The following H4C1 variants were observed in gnomAD, a reference collection of about 807,000 sequenced individuals.
The protein encoded by H4C1 is histone H4.
Under a neutral mutation model 4.4 loss-of-function variants are expected in H4C1, and 9 were observed. The ratio of observed to expected loss-of-function variants is 2.05; its 90% confidence interval spans 1.23 to 3.57. The LOEUF (loss-of-function observed/expected upper bound fraction) is 3.57, where lower values mean the gene tolerates loss of function less well. Among genes scored for constraint, H4C1 ranks in the 30% most tolerant of loss-of-function variants. The pLI is 0.00. For synonymous variants in H4C1, 74 were observed against 57.9 expected (o/e 1.28, Z -1.27); for missense variants, 124 against 148.8 (o/e 0.83, Z 0.87).
At position 26,022,038 on chromosome 6, in the gene H4C1, TC is replaced by T; in HGVS notation, c.*49del. On this transcript the variant is annotated 3_prime_UTR_variant, in exon 1 of 1. Coordinates refer to ENST00000617569, the MANE Select transcript of H4C1 (RefSeq NM_003538.4). Reference sequence around the variant, plus strand: ...TGCATTTCTGAACCAAAGGCCCTTTTCAGGGCCGCCCAACTAAACAAAAGAA... The same window carrying T: ...TGCATTTCTGAACCAAAGGCCCTTTTAGGGCCGCCCAACTAAACAAAAGAA... The T allele has an allele frequency of 6.6e-7, 1 of 1,504,358 alleles. No individual in the cohort carries two copies. The highest frequency in any genetic ancestry group is 8.9e-7 in the Non-Finnish European group (1 of 1,120,274). 93.2% of individuals were successfully genotyped at this position (1,504,358 alleles called of 1,614,324 possible). A position where few individuals can be genotyped will look rare whatever the true frequency, so the allele number is the denominator to read the frequency against.
At position 26,021,924 on chromosome 6, in the gene H4C1, C is replaced by T. The variant is rs1011321632; in HGVS notation, c.246C>T (p.Val82=). The change falls in exon 1 of 1, where the codon GTC becomes GTT. Residue 82 remains valine, a synonymous_variant. Coordinates refer to ENST00000617569, the MANE Select transcript of H4C1 (RefSeq NM_003538.4). ...TYTEHAKRKT[V]TAMDVVYALK... ...CGGAGCACGCCAAGCGCAAGACAGTCACTGCCATGGACGTGGTCTACGCGC... is the reference window on the plus strand; with the variant it reads ...CGGAGCACGCCAAGCGCAAGACAGTTACTGCCATGGACGTGGTCTACGCGC... The T allele has an allele frequency of 6.2e-7, 1 of 1,613,950 alleles. No individual in the cohort carries two copies. Among genetic ancestry groups the T allele is most frequent in the South Asian group, 1.1e-5 (1 of 91,066 alleles).
In H4C1 at chr6:26,021,796, CG is replaced by C. The variant is rs1761262312; in HGVS notation, c.120del (p.Arg41ValfsTer4). 1.2e-6 allele frequency: 2 copies of C among 1,614,154 alleles called. No individual in the cohort carries two copies. Among genetic ancestry groups the C allele is most frequent in the Non-Finnish European group, 1.7e-6 (2 of 1,180,062 alleles). ...CAAGCCGGCCATCCGGCGTCTGGCC[CG>C]GCGTGGCGGTGTGAAGCGGATCTCT... ...ITKPAIRRLA[R>X]RGGVKRISGL... On this transcript the variant is annotated frameshift_variant, in exon 1 of 1. Coordinates refer to ENST00000617569, the MANE Select transcript of H4C1 (RefSeq NM_003538.4). LOFTEE classifies it high-confidence loss of function.
Position 26,022,015 on chromosome 6 carries a change from C to T in H4C1, c.*25C>T, listed in dbSNP as rs759245133. The T allele has an allele frequency of 7.8e-6, 12 of 1,538,192 alleles. No homozygotes were observed. The highest frequency in any genetic ancestry group is 2.1e-5 in the Admixed American group (1 of 48,376). Reference sequence around the variant, plus strand: ...AGGTTGCTGATTTCTCCACAGCTTGCATTTCTGAACCAAAGGCCCTTTTCA... The same window carrying T: ...AGGTTGCTGATTTCTCCACAGCTTGTATTTCTGAACCAAAGGCCCTTTTCA... On this transcript the variant is annotated 3_prime_UTR_variant, in exon 1 of 1. Transcript: ENST00000617569.
rs773417351 is a variant in H4C1, at chr6:26,021,747, G to A, written c.69G>A (p.Leu23=). 10 of 1,614,124 alleles carry A rather than the reference G, an allele frequency of 6.2e-6. No individual in the cohort carries two copies. In the Admixed American group the frequency reaches 1.7e-4, roughly 27 times the overall value. Residue 23 remains leucine, a synonymous_variant, in exon 1 of 1, where the codon TTG becomes TTA. Transcript: ENST00000617569. ...KGGAKRHRKV[L]RDNIQGITKP... is the part of the protein sequence containing the mutation. ...GTGCCAAGCGCCACCGCAAGGTGTT[G>A]CGTGACAACATCCAGGGCATCACCA...
At position 26,021,692 on chromosome 6, in the gene H4C1, G is replaced by GT; in HGVS notation, c.15dup (p.Lys6Ter). The GT allele has an allele frequency of 6.2e-7, 1 of 1,604,444 alleles. No individual in the cohort carries two copies. The highest frequency in any genetic ancestry group is 8.5e-7 in the Non-Finnish European group (1 of 1,173,954). ...TCTTGGGAAGTCATGTCTGGACGTG[G>GT]TAAGGGCGGGAAGGGTTTGGGTAAG... On this transcript the variant is annotated frameshift_variant, in exon 1 of 1. Coordinates refer to ENST00000617569, the MANE Select transcript of H4C1 (RefSeq NM_003538.4). LOFTEE classifies it high-confidence loss of function.
In H4C1 at chr6:26,021,951, T is replaced by G. The variant is rs1394053632; in HGVS notation, c.273T>G (p.Leu91=). The G allele has an allele frequency of 6.2e-7, 1 of 1,610,764 alleles. No individual in the cohort carries two copies. Among genetic ancestry groups the G allele is most frequent in the Non-Finnish European group, 8.5e-7 (1 of 1,177,836 alleles). The change falls in exon 1 of 1, where the codon CTT becomes CTG. Residue 91 remains leucine (L), a synonymous_variant. Coordinates refer to ENST00000617569, the MANE Select transcript of H4C1 (RefSeq NM_003538.4). ...TVTAMDVVYA[L]KRQGRTLYGF... ...CTGCCATGGACGTGGTCTACGCGCT[T>G]AAGCGCCAGGGACGCACCCTTTATG...
Sources: gnomAD v4.1 joint callset for allele counts on GRCh38, gnomAD v4.1.1 for gene constraint, MANE v1.5 for transcripts, NCBI Gene and HGNC (gene_info 2026-07-23, HGNC 2026-07-21) for gene names.